The following UNC13C variants were observed in gnomAD, a reference collection of about 807,000 sequenced individuals.
The protein encoded by UNC13C is protein unc-13 homolog C.
In UNC13C, 174 loss-of-function variants were observed where a neutral mutation model predicts 245.4. That is an observed-to-expected ratio of 0.71 (90% CI 0.63 to 0.80). UNC13C has a LOEUF of 0.80. UNC13C is among the 30% of genes least tolerant of loss of function. The pLI is 0.00. For missense variants in UNC13C, 2,829 were observed against 2,602.9 expected, an observed-to-expected ratio of 1.09 and a Z score of -1.89; for synonymous variants, 992 against 895.1, an observed-to-expected ratio of 1.11 and a Z score of -1.93.
intron 4 of UNC13C, among the ~76,000 whole-genome samples, chr15:54,183,608 C>T (rs921052036): frequency 4.0e-5 from 6 of 151,836 alleles, no homozygotes; most frequent in Admixed American, 3.9e-4. Context: ...AATTTACTCA[C>T]ATAGGGCATT....
intron 2 of UNC13C, among the ~76,000 whole-genome samples, chr15:54,129,153 G>C (rs187228630): frequency 6.6e-6 from 1 of 152,176 alleles, no homozygotes; most frequent in African/African-American, 2.4e-5. Flanking sequence ...AATAGGGAGA[G>C]TAGGTCTATT....
the UNC13C span, among the ~76,000 whole-genome samples, chr15:53,881,349 A>C: frequency 6.6e-6 from 1 of 152,174 alleles, no homozygotes. Flanking sequence ...CCGTATTGTC[A>C]AAGTGGCCAT....
At chr15:54,612,378 TTTA>T (rs1900155614) in intron 30 of UNC13C, among the ~76,000 whole-genome samples, 1 of 151,992 alleles carries the variant, frequency 6.6e-6, no homozygotes, top group Non-Finnish European at 1.5e-5. Context: ...TCATTTAGAG[TTTA>T]TTTATTTATA....
At chr15:54,098,375 A>C (rs757594620) in intron 2 of UNC13C, among the ~76,000 whole-genome samples, 1 of 152,042 alleles carries the variant, frequency 6.6e-6, no homozygotes, top group Admixed American at 6.6e-5. Context: ...AGGTTTCACC[A>C]TGTTGGCCAG....
intron 4 of UNC13C, among the ~76,000 whole-genome samples, chr15:54,192,173 G>C (rs1370838710): frequency 6.6e-6 from 1 of 152,072 alleles, no homozygotes; most frequent in South Asian, 2.1e-4. Context: ...ATTAGTTTTT[G>C]AGTGCAAGAT....
At position 54,558,691 on chromosome 15, in the gene UNC13C, C is replaced by T. The variant is rs1040024559; in HGVS notation, c.5958+3179C>T. Among the ~76,000 whole-genome samples the T allele has an allele frequency of 7.9e-5, 12 of 151,898 alleles. No homozygotes were observed. In the South Asian group the frequency reaches 1.0e-3, roughly 13 times the overall value. ...AGAGTGTCAAATATGGCAGGAGTAA[C>T]AAAAATTATGATCATCTGCTGCAGG... On this transcript the variant is annotated intron_variant, in intron 29 of 32. Transcript: ENST00000260323.
At chr15:54,072,361 T>C (rs1396069643) in intron 2 of UNC13C, among the ~76,000 whole-genome samples, 1 of 152,172 alleles carries the variant, frequency 6.6e-6, no homozygotes, top group East Asian at 1.9e-4. Context: ...ATAAAATTGG[T>C]AATAAACCCA....
At position 54,424,987 on chromosome 15, in the gene UNC13C, G is replaced by T. The variant is rs755776873; in HGVS notation, c.4933+9920G>T. Among the ~76,000 whole-genome samples, 3 of 151,776 alleles carry T rather than the reference G, an allele frequency of 2.0e-5. No individual in the cohort carries two copies. In the South Asian group the frequency reaches 6.2e-4, roughly 32 times the overall value. ...AGAATGCTCCAAAATGCTGATCTTA[G>T]CTTCAAAATGTGTCCTGATAAGCCA... On this transcript the variant is annotated intron_variant, in intron 19 of 32. Coordinates refer to ENST00000260323, the MANE Select transcript of UNC13C (RefSeq NM_001080534.3).
chr15:53,858,241 A>T, the UNC13C span, among the ~76,000 whole-genome samples: 2 of 152,204 alleles, frequency 1.3e-5, 1 homozygote, highest in South Asian at 4.1e-4. Context: ...TGAAGACAAT[A>T]TAAAACACTG....
chr15:53,879,271 C>T, the UNC13C span, among the ~76,000 whole-genome samples: 18 of 152,084 alleles, frequency 1.2e-4, no homozygotes, highest in Admixed American at 4.6e-4. Context: ...AAGTGATACT[C>T]CCACCTGAGC....
chr15:54,455,559 A>G (rs1037846635), intron 19 of UNC13C, among the ~76,000 whole-genome samples: 1 of 146,666 alleles, frequency 6.8e-6, no homozygotes, highest in African/African-American at 2.5e-5. Flanking sequence ...CCATTCTTGC[A>G]GGAGTAAGGT....
At chr15:53,990,730 A>C (rs1333086592) in intron 1 of UNC13C, among the ~76,000 whole-genome samples, 1 of 151,982 alleles carries the variant, frequency 6.6e-6, no homozygotes, top group African/African-American at 2.4e-5. Flanking sequence ...CAGGGTTATG[A>C]AGCATTTCCT....
intron 28 of UNC13C, among the ~76,000 whole-genome samples, chr15:54,554,907 A>T (rs1034943772): frequency 2.6e-5 from 4 of 152,104 alleles, no homozygotes; most frequent in Non-Finnish European, 4.4e-5. Flanking sequence ...AAATGATTAT[A>T]AAATATTTAA....
At chr15:54,309,008 T>C (rs1279570067) in intron 13 of UNC13C, among the ~76,000 whole-genome samples, 1 of 151,956 alleles carries the variant, frequency 6.6e-6, no homozygotes, top group Non-Finnish European at 1.5e-5. Flanking sequence ...TTATTTTCTT[T>C]GGCTATAAGC....
At chr15:54,221,730 C>T (rs1483947455) in intron 4 of UNC13C, among the ~76,000 whole-genome samples, 1 of 151,918 alleles carries the variant, frequency 6.6e-6, no homozygotes, top group Non-Finnish European at 1.5e-5. Context: ...TAAACAGAAA[C>T]ACTGCATTTT....
chr15:53,899,858 C>T, the UNC13C span, among the ~76,000 whole-genome samples: 8 of 152,282 alleles, frequency 5.3e-5, no homozygotes, highest in Admixed American at 2.0e-4. Flanking sequence ...TGAGATGGTT[C>T]CTTTTTAGTT....
At chr15:54,336,004 AT>A (rs147868116) in intron 16 of UNC13C, among the ~76,000 whole-genome samples, 1,554 of 151,744 alleles carry the variant, frequency 0.01, 21 homozygotes, top group African/African-American at 0.035. Context: ...CATTATCTTA[AT>A]GTATTAATTT....
At chr15:54,144,950 T>G (rs951747664) in intron 4 of UNC13C, among the ~76,000 whole-genome samples, 5 of 151,912 alleles carry the variant, frequency 3.3e-5, no homozygotes, top group Admixed American at 2.6e-4. Flanking sequence ...TATCTATCTA[T>G]CTATATAGAT....
At chr15:54,267,735 A>G (rs1324064157) in intron 10 of UNC13C, among the ~76,000 whole-genome samples, 4 of 151,992 alleles carry the variant, frequency 2.6e-5, no homozygotes, top group African/African-American at 9.6e-5. Context: ...ATGATTTCAC[A>G]TGGTGTAATA....
Sources: gnomAD v4.1 joint callset for allele counts (sites outside exome capture counted in the v4.1 genomes callset) on GRCh38, gnomAD v4.1.1 for gene constraint, MANE v1.5 for transcripts, NCBI Gene and HGNC (gene_info 2026-07-23, HGNC 2026-07-21) for gene names.